SAMHD1: variants seen among roughly 807,000 people sequenced by gnomAD.
SAMHD1 encodes the protein deoxynucleoside triphosphate triphosphohydrolase SAMHD1.
A neutral mutation model predicts 79.6 loss-of-function variants in SAMHD1; 54 were observed. The observed-to-expected ratio is 0.68, with a 90% CI of 0.55 to 0.85. The LOEUF is 0.85. SAMHD1 is among the 40% of genes least tolerant of loss of function. The pLI is 0.00. For missense variants in SAMHD1, 663 were observed against 782.7 expected (o/e 0.85, Z 1.82); for synonymous variants, 260 against 264.1 (o/e 0.98, Z 0.15).
rs1356766255 is a variant in SAMHD1 at position 36,951,632 on chromosome 20, G to A, written c.12C>T (p.Ala4=). 1 of 1,613,728 alleles carries A rather than the reference G, an allele frequency of 6.2e-7. No homozygotes were observed. The highest frequency in any genetic ancestry group is 8.5e-7 in the Non-Finnish European group (1 of 1,179,984). ...GACGCTTGGAGGGCTGCTCGGAATC[G>A]GCTCGCTGCATGGCTACACCTGGCG... MQR[A]DSEQPSKRPR... Residue 4 remains alanine (A), a synonymous_variant, in exon 1 of 16, where the codon GCC becomes GCT. Coordinates refer to ENST00000646673, the MANE Select transcript of SAMHD1 (RefSeq NM_015474.4).
chr20:36,918,801 CAAAAAAAAA>C (rs60403097), intron 7 of SAMHD1, among the ~76,000 whole-genome samples: 6 of 65,426 alleles, frequency 9.2e-5, no homozygotes, highest in South Asian at 1.3e-3. Flanking sequence ...GACTCTATCT[CAAAAAAAAA>C]AAAAAAAAAA....
At chr20:36,945,671 T>G (rs2063681047) in intron 2 of SAMHD1, among the ~76,000 whole-genome samples, 1 of 151,146 alleles carries the variant, frequency 6.6e-6, no homozygotes, top group Non-Finnish European at 1.5e-5. Flanking sequence ...TTGGCCCACC[T>G]TAGGTCAGAA....
At chr20:36,896,170 C>T (rs1990193838) in intron 15 of SAMHD1, among the ~76,000 whole-genome samples, 1 of 151,840 alleles carries the variant, frequency 6.6e-6, no homozygotes, top group Non-Finnish European at 1.5e-5. Flanking sequence ...GACGGGGTTT[C>T]ACAGTATTAG....
chr20:36,909,107 G>T (rs1269148145), intron 11 of SAMHD1, among the ~76,000 whole-genome samples: 1 of 151,986 alleles, frequency 6.6e-6, no homozygotes, highest in Non-Finnish European at 1.5e-5. Context: ...GATTACAGGT[G>T]CGTGCCACCA....
intron 15 of SAMHD1, chr20:36,894,259 T>C (rs1323068161): frequency 2.1e-5 from 4 of 189,760 alleles, no homozygotes; most frequent in South Asian, 1.9e-4. Flanking sequence ...TTTTTTGAGA[T>C]GGAATTTTGC....
chr20:36,905,214 C>T, intron 12 of SAMHD1, 150 bp downstream of exon 12: 1 of 809,486 alleles, frequency 1.2e-6, no homozygotes, highest in Non-Finnish European at 2.1e-6. Flanking sequence ...ATCTGTAAAA[C>T]AGGCCTAAGA....
chr20:36,918,801 C>CAAAAAAAAAAAAA (rs60403097), intron 7 of SAMHD1, among the ~76,000 whole-genome samples: 1 of 65,424 alleles, frequency 1.5e-5, no homozygotes, highest in Non-Finnish European at 2.7e-5. Context: ...GACTCTATCT[C>CAAAAAAAAAAAAA]AAAAAAAAAA....
intron 3 of SAMHD1, chr20:36,940,571 C>A (rs979067091): frequency 5.2e-6 from 1 of 192,572 alleles, no homozygotes; most frequent in Non-Finnish European, 1.1e-5. Context: ...TGGTGGCATG[C>A]ACCCATAGTC....
chr20:36,932,307 C>A (rs2063572335), intron 4 of SAMHD1, among the ~76,000 whole-genome samples: 1 of 137,746 alleles, frequency 7.3e-6, no homozygotes, highest in African/African-American at 2.7e-5. Flanking sequence ...GCCGAGATTG[C>A]GCCATTGCAC....
intron 6 of SAMHD1, 73 bp downstream of exon 6, chr20:36,927,109 A>C: frequency 7.4e-7 from 1 of 1,346,772 alleles, no homozygotes; most frequent in South Asian, 1.2e-5. Context: ...GTGGAACCAA[A>C]CAGATAAATT....
At chr20:36,943,791 A>T (rs1455470936) in intron 2 of SAMHD1, among the ~76,000 whole-genome samples, 1 of 152,154 alleles carries the variant, frequency 6.6e-6, no homozygotes, top group East Asian at 1.9e-4. Context: ...TGGTTATGAA[A>T]GAGTCATGCC....
At chr20:36,935,344 ATT>A (rs2063596388) in intron 3 of SAMHD1, 155 bp from the exon 4 acceptor site, 1 of 673,470 alleles carries the variant, frequency 1.5e-6, no homozygotes, top group Non-Finnish European at 2.6e-6. Flanking sequence ...TCATTACCTT[ATT>A]TAGGTATCAC....
chr20:36,907,100 T>C (rs959241859), intron 11 of SAMHD1, among the ~76,000 whole-genome samples: 1 of 151,664 alleles, frequency 6.6e-6, no homozygotes, highest in East Asian at 1.9e-4. Flanking sequence ...CCTTTTTTTT[T>C]TTTTTTAAGG....
chr20:36,922,489 T>G (rs542368489), intron 6 of SAMHD1, among the ~76,000 whole-genome samples: 2 of 152,092 alleles, frequency 1.3e-5, no homozygotes, highest in Non-Finnish European at 2.9e-5. Flanking sequence ...TGGATTCAAG[T>G]AATCCTCCCG....
At chr20:36,922,585 C>T (rs889906431) in intron 6 of SAMHD1, among the ~76,000 whole-genome samples, 17 of 152,144 alleles carry the variant, frequency 1.1e-4, no homozygotes, top group African/African-American at 3.6e-4. Context: ...ACTATGTTGC[C>T]CAGGCTGGTG....
chr20:36,896,221 C>G (rs913832051), intron 15 of SAMHD1, among the ~76,000 whole-genome samples: 21 of 151,902 alleles, frequency 1.4e-4, no homozygotes, highest in African/African-American at 4.8e-4. Context: ...ATCCGCCCAC[C>G]TCGGCCTCCC....
intron 1 of SAMHD1, among the ~76,000 whole-genome samples, chr20:36,950,354 A>C (rs1269256620): frequency 6.6e-6 from 1 of 152,032 alleles, no homozygotes; most frequent in Non-Finnish European, 1.5e-5. Flanking sequence ...GAGAAATGCA[A>C]TTTCCCATAC....
chr20:36,921,576 C>T (rs2063505399), intron 6 of SAMHD1, among the ~76,000 whole-genome samples: 1 of 151,684 alleles, frequency 6.6e-6, no homozygotes, highest in Admixed American at 6.6e-5. Context: ...ATGAAGGATG[C>T]ATCACTGATT....
chr20:36,919,284 A>C (rs890540115), intron 7 of SAMHD1, 80 bp downstream of exon 7: 2 of 1,381,268 alleles, frequency 1.4e-6, no homozygotes, highest in Non-Finnish European at 2.0e-6. Context: ...AAAATAGCCA[A>C]ATGTATAACT....
Sources: gnomAD v4.1 joint callset for allele counts (sites outside exome capture counted in the v4.1 genomes callset) on GRCh38, gnomAD v4.1.1 for gene constraint, MANE v1.5 for transcripts, NCBI Gene and HGNC (gene_info 2026-07-23, HGNC 2026-07-21) for gene names.